HSD17B4: variants seen among roughly 807,000 people sequenced by gnomAD.
The protein encoded by HSD17B4 is hydroxysteroid 17-beta dehydrogenase 4, also known as peroxisomal multifunctional enzyme type 2.
Under a neutral mutation model 101.0 loss-of-function variants are expected in HSD17B4, and 70 were observed. The observed-to-expected ratio is 0.69, with a 90% CI of 0.57 to 0.85. The LOEUF (loss-of-function observed/expected upper bound fraction) is 0.85. Among genes scored for constraint, HSD17B4 ranks in the 40% least tolerant of loss-of-function variants. HSD17B4 has a pLI of 0.00. For synonymous variants in HSD17B4, 347 were observed against 297.1 expected, an observed-to-expected ratio of 1.17 and a Z score of -1.73; for missense variants, 984 against 892.4, an observed-to-expected ratio of 1.10 and a Z score of -1.31.
chr5:119,523,553 C>G (rs996772545), intron 17 of HSD17B4, among the ~76,000 whole-genome samples: 6 of 151,882 alleles, frequency 4.0e-5, no homozygotes, highest in Non-Finnish European at 7.4e-5. Flanking sequence ...CCTTTTTTGT[C>G]TTCGTTTAAC....
At chr5:119,499,177 A>C in intron 12 of HSD17B4, 140 bp from the exon 13 acceptor site, 1 of 640,520 alleles carries the variant, frequency 1.6e-6, no homozygotes, top group Non-Finnish European at 2.7e-6. Flanking sequence ...AAAAAATAAA[A>C]TATAATTGCA....
chr5:119,511,855 A>G (rs1047226258), intron 16 of HSD17B4, among the ~76,000 whole-genome samples: 1 of 151,822 alleles, frequency 6.6e-6, no homozygotes, highest in East Asian at 1.9e-4. Context: ...AAATTATAAG[A>G]TATGGAAGAA....
intron 17 of HSD17B4, among the ~76,000 whole-genome samples, chr5:119,522,022 G>A (rs1374072590): frequency 1.3e-5 from 2 of 151,412 alleles, no homozygotes; most frequent in African/African-American, 4.9e-5. Context: ...GTGCCATGTT[G>A]GTGTGCTGCA....
At chr5:119,509,085 CTAGT>C in intron 15 of HSD17B4, 52 bp from the exon 16 acceptor site, 1 of 933,210 alleles carries the variant, frequency 1.1e-6, no homozygotes, top group Non-Finnish European at 1.8e-6. Context: ...TCTTGGTTAA[CTAGT>C]TATGCCTTTT....
Position 119,496,553 on chromosome 5 carries a change from C to G in HSD17B4, c.879C>G (p.Gly293=), listed in dbSNP as rs759164470. 2.6e-6 allele frequency: 4 copies of G among 1,543,108 alleles called. No homozygotes were observed. The highest frequency in any genetic ancestry group is 1.7e-5 in the Admixed American group (1 of 59,908). The part of the protein sequence containing the change: ...SKPQSIQEST[G]SIIEVLSKID... ...CATTTTTCATTTTAGAATCAACTGG[C>G]AGTATAATTGAAGTTCTGAGTAAAA... is the stretch of plus-strand genomic sequence containing the variant. The change falls in exon 12 of 24, where the codon GGC becomes GGG. Residue 293 remains glycine, a synonymous_variant. Coordinates refer to ENST00000510025, the MANE Select transcript of HSD17B4 (RefSeq NM_000414.4).
At chr5:119,510,438 A>G (rs1337229455) in intron 16 of HSD17B4, among the ~76,000 whole-genome samples, 1 of 152,212 alleles carries the variant, frequency 6.6e-6, no homozygotes, top group Non-Finnish European at 1.5e-5. Context: ...ATCTGGCTTT[A>G]CCTTTAAGTT....
intron 1 of HSD17B4, among the ~76,000 whole-genome samples, chr5:119,454,268 A>G (rs1431797259): frequency 1.3e-5 from 2 of 152,116 alleles, no homozygotes; most frequent in Non-Finnish European, 2.9e-5. Flanking sequence ...CTGTTCATAA[A>G]CTGGTTAAAT....
At chr5:119,473,449 G>C (rs1490297586) in intron 2 of HSD17B4, among the ~76,000 whole-genome samples, 2 of 150,462 alleles carry the variant, frequency 1.3e-5, no homozygotes, top group African/African-American at 4.9e-5. Context: ...CTCCCAAGTA[G>C]CTGGGACTAC....
intron 2 of HSD17B4, among the ~76,000 whole-genome samples, chr5:119,459,839 C>G (rs1336683364): frequency 6.6e-6 from 1 of 151,790 alleles, no homozygotes; most frequent in Non-Finnish European, 1.5e-5. Flanking sequence ...GCAGAGCCCT[C>G]ACAATTCAAT....
intron 10 of HSD17B4, chr5:119,493,098 T>C (rs1415291137): frequency 6.6e-6 from 1 of 152,224 alleles, no homozygotes; most frequent in Non-Finnish European, 1.5e-5. Context: ...ACTTTATCAA[T>C]AGGAAAGCTC....
In HSD17B4 at chr5:119,491,906, C is replaced by T. The variant is rs2546210; in HGVS notation, c.715-194C>T. Among the ~76,000 whole-genome samples the T allele has an allele frequency of 0.55, 83,973 of 151,962 alleles. 23,359 individuals are homozygous for T. Among genetic ancestry groups the T allele is most frequent in the Admixed American group, 0.58 (8,830 of 15,256 alleles). ...ATTTCTACTTCATTGTACTGTTTTA[C>T]GTTTGTGCTCCGATAACATGAGCAG... is the stretch of plus-strand genomic sequence containing the variant. On this transcript the variant is annotated intron_variant, in intron 9 of 23. Transcript: ENST00000510025.
intron 17 of HSD17B4, among the ~76,000 whole-genome samples, chr5:119,521,237 T>C (rs559753499): frequency 9.8e-5 from 15 of 152,334 alleles, no homozygotes; most frequent in African/African-American, 3.4e-4. Context: ...GTATGTTGCC[T>C]TTGAAAAGTC....
intron 8 of HSD17B4, among the ~76,000 whole-genome samples, chr5:119,479,263 A>G (rs1283243660): frequency 6.6e-6 from 1 of 151,710 alleles, no homozygotes; most frequent in African/African-American, 2.4e-5. Flanking sequence ...GCATATTCAT[A>G]ATTTTTTTTT....
intron 16 of HSD17B4, among the ~76,000 whole-genome samples, chr5:119,513,999 G>T (rs1752394688): frequency 1.3e-5 from 2 of 152,298 alleles, no homozygotes; most frequent in South Asian, 2.1e-4. Context: ...TTGGTACTCA[G>T]AAATTTTAAA....
chr5:119,466,174 A>G (rs1030179746), intron 2 of HSD17B4, among the ~76,000 whole-genome samples: 6 of 152,114 alleles, frequency 3.9e-5, no homozygotes, highest in African/African-American at 1.4e-4. Context: ...TGATTGTGAT[A>G]TATTATCTTC....
At chr5:119,531,235 CT>C in intron 21 of HSD17B4, 30 bp from the exon 22 acceptor site, 1 of 1,610,712 alleles carries the variant, frequency 6.2e-7, no homozygotes, top group South Asian at 1.1e-5. Flanking sequence ...TTTTACAGAA[CT>C]TTTAAAGTTT....
chr5:119,517,010 G>C (rs1463513395), intron 17 of HSD17B4, among the ~76,000 whole-genome samples: 2 of 152,208 alleles, frequency 1.3e-5, no homozygotes, highest in Non-Finnish European at 2.9e-5. Context: ...GGCGGCACTT[G>C]AGGAGCCCAT....
intron 8 of HSD17B4, 36 bp from the exon 9 acceptor site, chr5:119,489,156 A>G: frequency 7.4e-7 from 1 of 1,345,308 alleles, no homozygotes; most frequent in Non-Finnish European, 1.1e-6. Context: ...AGAAAGTAAA[A>G]TGATTGATAA....
intron 1 of HSD17B4, 137 bp downstream of exon 1, chr5:119,452,770 C>T: frequency 6.4e-7 from 1 of 1,566,948 alleles, no homozygotes; most frequent in East Asian, 2.3e-5. Flanking sequence ...ATTCTTGAGG[C>T]ACCGCATCTC....
Sources: allele counts gnomAD v4.1 joint callset (sites outside exome capture counted in the v4.1 genomes callset), GRCh38; gene constraint gnomAD v4.1.1; transcripts MANE v1.5; gene names NCBI Gene and HGNC (gene_info 2026-07-23, HGNC 2026-07-21).